EIF3B: variants seen among roughly 807,000 people sequenced by gnomAD.
The protein encoded by EIF3B is eukaryotic translation initiation factor 3 subunit 9.
In EIF3B, 10 loss-of-function variants were observed where a neutral mutation model predicts 104.6. The ratio of observed to expected loss-of-function variants is 0.10; its 90% CI spans 0.06 to 0.16. The LOEUF is 0.16. EIF3B is among the 10% of genes least tolerant of loss of function. The pLI is 1.00. For missense variants in EIF3B, 1,014 were observed against 1,087.9 expected (o/e 0.93, Z 0.96); for synonymous variants, 542 against 417.2 (o/e 1.30, Z -3.65).
Position 2,362,636 on chromosome 7 carries a change from C to A in EIF3B, c.693-9C>A, listed in dbSNP as rs745594871. ...TGTGGGTATGTGCCAACGGCCCTCTCTCACTCAGGTATATTTTCCTGGAGT... is the reference window on the plus strand; with the variant it reads ...TGTGGGTATGTGCCAACGGCCCTCTATCACTCAGGTATATTTTCCTGGAGT... On this transcript the variant is annotated splice_polypyrimidine_tract_variant and intron_variant, in intron 2 of 18. Transcript: ENST00000360876. The A allele has an allele frequency of 5.0e-6, 8 of 1,614,058 alleles. No homozygotes were observed. In the South Asian group the frequency reaches 5.5e-5, roughly 11 times the overall value.
At chr7:2,372,912 G>A (rs554834396) in intron 12 of EIF3B, 117 bp downstream of exon 12, 8 of 1,180,040 alleles carry the variant, frequency 6.8e-6, no homozygotes, top group Admixed American at 2.6e-5. Context: ...GCCGGGACTC[G>A]CCTATGAATG....
chr7:2,355,917 C>G (rs1406533540), intron 1 of EIF3B, among the ~76,000 whole-genome samples: 3 of 152,210 alleles, frequency 2.0e-5, no homozygotes, highest in Admixed American at 2.0e-4. Context: ...CAGAGACTTC[C>G]TTAGTGGGAC....
Position 2,355,491 on chromosome 7 carries a change from C to T in EIF3B, c.499+71C>T, listed in dbSNP as rs1395960622. 7.2e-6 allele frequency: 10 copies of T among 1,394,048 alleles called. No individual in the cohort carries two copies. In the East Asian group the frequency reaches 1.7e-4, roughly 24 times the overall value. The allele number at this position is 1,394,048 out of a possible 1,614,324, so 86.4% of individuals were successfully genotyped here. On this transcript the variant is annotated intron_variant, in intron 1 of 18. Coordinates refer to ENST00000360876, the MANE Select transcript of EIF3B (RefSeq NM_001037283.2). ...CTGGGGTTCCCGAGGTGGGAGATAT[C>T]GTCGGGCTGTGCCACCGGTTCGTGC...
Position 2,375,485 on chromosome 7 carries a change from T to A in EIF3B, c.1986T>A (p.Thr662=). 6.2e-7 allele frequency: 1 copy of A among 1,614,200 alleles called. No homozygotes were observed. Among genetic ancestry groups the A allele is most frequent in the Non-Finnish European group, 8.5e-7 (1 of 1,180,036 alleles). The change falls in exon 14 of 19, where the codon ACT becomes ACA. Residue 662 remains threonine (T), a synonymous_variant. Coordinates refer to ENST00000360876, the MANE Select transcript of EIF3B (RefSeq NM_001037283.2). ...CTTCCGACGTCGAATGGGATCCTACTGGGCGCTACGTCGTCACCTCTGTGT... is the reference window on the plus strand; with the variant it reads ...CTTCCGACGTCGAATGGGATCCTACAGGGCGCTACGTCGTCACCTCTGTGT... ...YMASDVEWDP[T]GRYVVTSVSW...
intron 14 of EIF3B, 47 bp downstream of exon 14, chr7:2,375,574 G>C (rs201532895): frequency 3.7e-6 from 6 of 1,611,880 alleles, no homozygotes; most frequent in Admixed American, 1.7e-5. Flanking sequence ...GAAGCAGGGA[G>C]TGCTGGCTAG....
intron 18 of EIF3B, chr7:2,379,929 A>T: frequency 3.9e-6 from 1 of 256,158 alleles, no homozygotes; most frequent in South Asian, 4.2e-5. Flanking sequence ...GGGGCTGGGG[A>T]GCAGAGTGCG....
rs143265120 is a variant in EIF3B, at chr7:2,376,730, CGCTGCTCCA to C, written c.2029-211_2029-203del. ...ATGTGCAGGCCTGTGCTGTGATGAG[CGCTGCTCCA>C]GCTGCTCCGTGCCCCGCACTCCGGG... On this transcript the variant is annotated intron_variant, in intron 14 of 18. Transcript: ENST00000360876. 782 of 573,526 alleles carry C rather than the reference CGCTGCTCCA, an allele frequency of 1.4e-3. 4 individuals are homozygous for C. The highest frequency in any genetic ancestry group is 0.013 in the African/African-American group (693 of 53,026). 35.5% of individuals were successfully genotyped at this position (573,526 alleles called of 1,614,324 possible).
At chr7:2,372,086 A>G (rs1431240242) in intron 11 of EIF3B, 1 of 484,444 alleles carries the variant, frequency 2.1e-6, no homozygotes, top group Non-Finnish European at 3.8e-6. Context: ...GCGCACCGAT[A>G]GTCCCAGCTG....
chr7:2,371,952 G>A, intron 11 of EIF3B, 103 bp downstream of exon 11: 1 of 922,358 alleles, frequency 1.1e-6, no homozygotes, highest in Non-Finnish European at 1.8e-6. Context: ...AGCTGAGTCA[G>A]GACTGTGAGC....
chr7:2,360,400 T>G (rs545739990), intron 1 of EIF3B, among the ~76,000 whole-genome samples: 2 of 152,366 alleles, frequency 1.3e-5, no homozygotes, highest in Non-Finnish European at 2.9e-5. Flanking sequence ...TGAGATGGTC[T>G]TCTTCATTTG....
At position 2,355,047 on chromosome 7, in the gene EIF3B, T is replaced by C. The variant is rs1583139387; in HGVS notation, c.126T>C (p.Ala42=). The C allele has an allele frequency of 1.7e-6, 2 of 1,211,488 alleles. No individual in the cohort carries two copies. Among genetic ancestry groups the C allele is most frequent in the Admixed American group, 8.8e-5 (2 of 22,716 alleles). The allele number at this position is 1,211,488 out of a possible 1,614,324, so 75.0% of individuals were successfully genotyped here. Residue 42 remains alanine, a synonymous_variant, in exon 1 of 19, where the codon GCT becomes GCC. Coordinates refer to ENST00000360876, the MANE Select transcript of EIF3B (RefSeq NM_001037283.2). Reference sequence around the variant, plus strand: ...TGCTGCGGCCCGCGGGGCCCGGCGCTCCGGAGGCCGCGGGGACCGAGGCCT... The same window carrying C: ...TGCTGCGGCCCGCGGGGCCCGGCGCCCCGGAGGCCGCGGGGACCGAGGCCT... ...EGLLRPAGPG[A]PEAAGTEASS... is the part of the protein sequence containing the mutation.
Position 2,369,670 on chromosome 7 carries a change from G to A in EIF3B, c.1602G>A (p.Pro534=), listed in dbSNP as rs771686874. The A allele has an allele frequency of 2.9e-5, 46 of 1,613,116 alleles. No homozygotes were observed. Among genetic ancestry groups the A allele is most frequent in the Non-Finnish European group, 3.7e-5 (44 of 1,179,732 alleles). ...DYLCVKVDRT[P]KGTQGVVTNF... ...TGTGTGTGAAAGTAGATAGGACTCC[G>A]AAAGGCACCCAGGTATGTAGATTCC... Residue 534 remains proline (P), a synonymous_variant, in exon 10 of 19, where the codon CCG becomes CCA. Transcript: ENST00000360876.
intron 1 of EIF3B, among the ~76,000 whole-genome samples, chr7:2,355,840 G>C (rs747194380): frequency 3.3e-5 from 5 of 152,190 alleles, no homozygotes; most frequent in African/African-American, 1.2e-4. Context: ...CCAAGGTCTG[G>C]ATCGGAGGAA....
rs575896449 is a variant in EIF3B at position 2,373,414 on chromosome 7, G to C, written c.1810+619G>C. Reference sequence around the variant, plus strand: ...CTTCATAGGCGTGGGGTGTGTGTGTGTGGTAGCCAGGAGGTGGCGATGGGC... The same window carrying C: ...CTTCATAGGCGTGGGGTGTGTGTGTCTGGTAGCCAGGAGGTGGCGATGGGC... On this transcript the variant is annotated intron_variant, in intron 12 of 18. Coordinates refer to ENST00000360876, the MANE Select transcript of EIF3B (RefSeq NM_001037283.2). 2.6e-5 allele frequency: 4 copies of C among 152,706 alleles called. No individual in the cohort carries two copies. In the South Asian group the frequency reaches 8.3e-4, roughly 32 times the overall value. 9.5% of individuals were successfully genotyped at this position (152,706 alleles called of 1,614,324 possible).
chr7:2,362,747 C>G lies in EIF3B; in HGVS notation c.795C>G (p.Leu265=). Residue 265 remains leucine (L), a synonymous_variant, in exon 3 of 19, where the codon CTC becomes CTG. Coordinates refer to ENST00000360876, the MANE Select transcript of EIF3B (RefSeq NM_001037283.2). ...LDKQHTFRVN[L]FTDFDKYMTI... ...AGCAGCACACATTCCGGGTCAACCT[C>G]TTTACGGATTTTGACAAGTGAGTTC... 1.2e-6 allele frequency: 2 copies of G among 1,614,194 alleles called. No homozygotes were observed. Among genetic ancestry groups the G allele is most frequent in the Non-Finnish European group, 8.5e-7 (1 of 1,180,046 alleles).
chr7:2,376,824 C>G (rs1780656552), intron 14 of EIF3B, 126 bp from the exon 15 acceptor site: 1 of 1,403,314 alleles, frequency 7.1e-7, no homozygotes, highest in Admixed American at 2.3e-5. Flanking sequence ...GTCAGCTCAG[C>G]ACAGGCAGAG....
At position 2,369,571 on chromosome 7, in the gene EIF3B, G is replaced by A; in HGVS notation, c.1503G>A (p.Arg501=). 2 of 1,614,064 alleles carry A rather than the reference G, an allele frequency of 1.2e-6. No individual in the cohort carries two copies. Among genetic ancestry groups the A allele is most frequent in the Non-Finnish European group, 8.5e-7 (1 of 1,180,020 alleles). ...TAACCCTGATGCAGCTCCCTACCAG[G>A]CAAGAGATCCGAGTGAGGAACCTGT... ...ARVTLMQLPT[R]QEIRVRNLFN... Residue 501 remains arginine, a synonymous_variant, in exon 10 of 19, where the codon AGG becomes AGA. Coordinates refer to ENST00000360876, the MANE Select transcript of EIF3B (RefSeq NM_001037283.2).
At position 2,355,065 on chromosome 7, in the gene EIF3B, C is replaced by G; in HGVS notation, c.144C>G (p.Thr48=). 8.0e-7 allele frequency: 1 copy of G among 1,244,480 alleles called. No individual in the cohort carries two copies. Among genetic ancestry groups the G allele is most frequent in the Non-Finnish European group, 1.0e-6 (1 of 994,586 alleles). The allele number at this position is 1,244,480 out of a possible 1,614,324, so 77.1% of individuals were successfully genotyped here. The change falls in exon 1 of 19, where the codon ACC becomes ACG. Residue 48 remains threonine, a synonymous_variant. Transcript: ENST00000360876. ...CCGGCGCTCCGGAGGCCGCGGGGAC[C>G]GAGGCCTCCAGTGAGGAGGTGGGGA... ...AGPGAPEAAG[T]EASSEEVGIA... is the part of the protein sequence containing the mutation.
chr7:2,370,846 C>T (rs113518322), intron 10 of EIF3B, among the ~76,000 whole-genome samples: 1,861 of 152,198 alleles, frequency 0.012, 42 homozygotes, highest in African/African-American at 0.042. Context: ...GAGGCTGAGG[C>T]GGGGCATCAC....
Sources: allele counts gnomAD v4.1 joint callset (sites outside exome capture counted in the v4.1 genomes callset), GRCh38; gene constraint gnomAD v4.1.1; transcripts MANE v1.5; gene names NCBI Gene and HGNC (gene_info 2026-07-23, HGNC 2026-07-21).